Variants in UNC13A observed in about 807,000 individuals in gnomAD.
UNC13A encodes the protein unc-13 homolog A, also known as protein unc-13 homolog A.
UNC13A carries 61 observed loss-of-function variants against 219.7 expected under a neutral mutation model. The ratio of observed to expected loss-of-function variants is 0.28; its 90% CI spans 0.23 to 0.34. The LOEUF (loss-of-function observed/expected upper bound fraction) is 0.34, where lower values mean the gene tolerates loss of function less well. UNC13A is among the 10% of genes least tolerant of loss of function. The pLI is 1.00. For missense variants in UNC13A, 1,476 were observed against 2,270.3 expected (o/e 0.65, Z 7.11); for synonymous variants, 920 against 884.6 (o/e 1.04, Z -0.71).
chr19:17,665,076 T>C (rs1659197524), intron 7 of UNC13A, among the ~76,000 whole-genome samples: 1 of 152,058 alleles, frequency 6.6e-6, no homozygotes, highest in African/African-American at 2.4e-5. Context: ...GGCATGTGCC[T>C]GTAATCCCCA....
intron 1 of UNC13A, among the ~76,000 whole-genome samples, chr19:17,684,924 A>C: frequency 6.6e-6 from 1 of 152,332 alleles, no homozygotes; most frequent in African/African-American, 2.4e-5. Context: ...TGATGTTTGC[A>C]TGTGTACATG....
At chr19:17,672,590 T>G in intron 3 of UNC13A, 95 bp from the exon 4 acceptor site, 1 of 912,560 alleles carries the variant, frequency 1.1e-6, no homozygotes, top group Non-Finnish European at 1.7e-6. Flanking sequence ...CACAGCATAC[T>G]GCAATTCAAA....
chr19:17,627,710 G>T lies in UNC13A; in HGVS notation c.3832-113C>A. 8.0e-7 allele frequency: 1 copy of T among 1,244,040 alleles called. No homozygotes were observed. The highest frequency in any genetic ancestry group is 1.1e-6 in the Non-Finnish European group (1 of 877,746). 77.1% of individuals were successfully genotyped at this position (1,244,040 alleles called of 1,614,324 possible). On this transcript the variant is annotated intron_variant, in intron 32 of 43. Transcript: ENST00000519716. This position sits in a 1 kb window ranked among gnomAD's most constrained non-coding sequence, Gnocchi z 4.7. ...CCAAGGGGCTGCAGGGGAAACTGAGGCACAGACCGTTATGCTGCAAGCCTG... is the reference window on the plus strand; with the variant it reads ...CCAAGGGGCTGCAGGGGAAACTGAGTCACAGACCGTTATGCTGCAAGCCTG...
chr19:17,649,186 A>G lies in UNC13A; in HGVS notation c.1524+153T>C, dbSNP rs1280999847. Among the ~76,000 whole-genome samples the G allele has an allele frequency of 6.6e-6, 1 of 152,174 alleles. No individual in the cohort carries two copies. Among genetic ancestry groups the G allele is most frequent in the Admixed American group, 6.6e-5 (1 of 15,260 alleles). The stretch of plus-strand genomic sequence containing the variant: ...GCTTTGAGTTAGAAGGGACCCTGGA[A>G]AGTGAGCAGCCCCGCACCCCTGACT... On this transcript the variant is annotated intron_variant, in intron 14 of 43. Transcript: ENST00000519716. This position sits in a 1 kb window ranked among gnomAD's most constrained non-coding sequence, Gnocchi z 4.4.
intron 4 of UNC13A, 69 bp downstream of exon 4, chr19:17,672,309 T>G: frequency 8.0e-7 from 1 of 1,243,280 alleles, no homozygotes. Context: ...CCATCTTGTT[T>G]AGTCCACTGG....
rs2076462579 is a variant in UNC13A at position 17,601,411 on chromosome 19, C to G, written c.*4643G>C. The G allele has an allele frequency of 6.6e-6, 1 of 152,500 alleles. No homozygotes were observed. The highest frequency in any genetic ancestry group is 2.1e-4 in the South Asian group (1 of 4,830). The allele number at this position is 152,500 out of a possible 1,614,324, so 9.4% of individuals were successfully genotyped here. A position where few individuals can be genotyped will look rare whatever the true frequency, so the allele number is the denominator to read the frequency against. On this transcript the variant is annotated 3_prime_UTR_variant, in exon 44 of 44. Coordinates refer to ENST00000519716, the MANE Select transcript of UNC13A (RefSeq NM_001080421.3). ...CAGAGACCAAAAAGTCAGAATAGTGCAAAACATCTCAACACCATGCATTCA... is the reference window on the plus strand; with the variant it reads ...CAGAGACCAAAAAGTCAGAATAGTGGAAAACATCTCAACACCATGCATTCA...
intron 27 of UNC13A, 53 bp from the exon 28 acceptor site, chr19:17,632,961 C>T: frequency 6.2e-7 from 1 of 1,612,472 alleles, no homozygotes; most frequent in Non-Finnish European, 8.5e-7. Flanking sequence ...CACCCTCTGT[C>T]TCGGCAGAGA....
Position 17,676,008 on chromosome 19 carries a change from T to C in UNC13A, c.52+4A>G. On this transcript the variant is annotated splice_donor_region_variant and intron_variant, in intron 2 of 43. Coordinates refer to ENST00000519716, the MANE Select transcript of UNC13A (RefSeq NM_001080421.3). ...GGGACAGGACAGCAAGAGAAGCCAC[T>C]TACCTTGGGCACCATCAAACTTGGC... is the stretch of plus-strand genomic sequence containing the variant. 1 of 1,551,360 alleles carries C rather than the reference T, an allele frequency of 6.4e-7. No individual in the cohort carries two copies. The highest frequency in any genetic ancestry group is 1.4e-5 in the African/African-American group (1 of 73,058).
chr19:17,613,748 C>G (rs1384394015), intron 41 of UNC13A: 3 of 121,980 alleles, frequency 2.5e-5, no homozygotes, highest in African/African-American at 9.4e-5. Context: ...TGGAGTCTTG[C>G]TTTGTCGCCC....
At chr19:17,653,959 T>C (rs2079401927) in intron 11 of UNC13A, among the ~76,000 whole-genome samples, 1 of 151,654 alleles carries the variant, frequency 6.6e-6, no homozygotes, top group African/African-American at 2.4e-5. Context: ...CCCGAGTAGC[T>C]GGGACTACAG....
chr19:17,608,431 T>C (rs908186414), intron 43 of UNC13A, among the ~76,000 whole-genome samples: 2 of 137,920 alleles, frequency 1.5e-5, no homozygotes, highest in Admixed American at 1.6e-4. Context: ...TTATATGATA[T>C]ATATTTATTA....
rs900279677 is a variant in UNC13A at position 17,682,648 on chromosome 19, A to G, written c.22+5530T>C. Among the ~76,000 whole-genome samples the G allele has an allele frequency of 3.3e-5, 5 of 152,182 alleles. No homozygotes were observed. In the East Asian group the frequency reaches 9.6e-4, roughly 29 times the overall value. Reference sequence around the variant, plus strand: ...ATGCAGCTCCTCCTAGCTGGAGGGTATCAGGGACTGAGTAGCCAGGAACGG... The same window carrying G: ...ATGCAGCTCCTCCTAGCTGGAGGGTGTCAGGGACTGAGTAGCCAGGAACGG... On this transcript the variant is annotated intron_variant, in intron 1 of 43. Transcript: ENST00000519716.
chr19:17,624,848 G>A lies in UNC13A; in HGVS notation c.4178C>T (p.Pro1393Leu), dbSNP rs755169156. 3.1e-6 allele frequency: 5 copies of A among 1,613,436 alleles called. No homozygotes were observed. The highest frequency in any genetic ancestry group is 1.3e-5 in the African/African-American group (1 of 74,926). The change falls in exon 35 of 44, where the codon CCG (proline) becomes CTG (leucine). Residue 1393 changes from proline (P) to leucine (L), a missense_variant. Pro to Leu is a moderately conservative substitution (Grantham distance 98). Around this residue, in one of 14 missense-constraint regions of UNC13A, gnomAD observed 75 missense variants for 100.2 expected, o/e 0.75. Transcript: ENST00000519716. ...TCTCACCGTCTGGTCAGTGAGGGGC[G>A]GCAGGACGATGGTTTTCTCCATGGT... ...MNTMEKTIVL[P>L]PLTDQTMIGN...
At position 17,655,255 on chromosome 19, in the gene UNC13A, G is replaced by C; in HGVS notation, c.1392+19C>G. On this transcript the variant is annotated intron_variant, in intron 11 of 43. Transcript: ENST00000519716. The stretch of plus-strand genomic sequence containing the variant: ...GCCTGGCTAAGTGTGGCAGGGGCAT[G>C]GCTGGGCGTGTCACTCACCTCCTGC... The C allele has an allele frequency of 6.5e-7, 1 of 1,547,916 alleles. No individual in the cohort carries two copies. The highest frequency in any genetic ancestry group is 1.2e-5 in the South Asian group (1 of 84,590).
rs1294001060 is a variant in UNC13A at position 17,609,963 on chromosome 19, G to T, written c.4788C>A (p.Pro1596=). Residue 1596 remains proline, a synonymous_variant, in exon 43 of 44, where the codon CCC becomes CCA. Coordinates refer to ENST00000519716, the MANE Select transcript of UNC13A (RefSeq NM_001080421.3). ...ACAACTGGAAGCTCTCATTGTACTT[G>T]GGAGCCCAGCTATTGTTCTTGGATT... ...ATKSKNNSWA[P]KYNESFQFTL... is the part of the protein sequence containing the mutation. 2 of 1,613,852 alleles carry T rather than the reference G, an allele frequency of 1.2e-6. No homozygotes were observed. Among genetic ancestry groups the T allele is most frequent in the South Asian group, 2.2e-5 (2 of 91,080 alleles).
At chr19:17,664,864 C>G (rs941722631) in intron 7 of UNC13A, among the ~76,000 whole-genome samples, 1 of 152,102 alleles carries the variant, frequency 6.6e-6, no homozygotes, top group East Asian at 1.9e-4. Flanking sequence ...GACACAGATA[C>G]AGGGAGAGCT....
chr19:17,641,571 G>A lies in UNC13A; in HGVS notation c.2473-15C>T, dbSNP rs780524891. On this transcript the variant is annotated splice_polypyrimidine_tract_variant and intron_variant, in intron 20 of 43. Coordinates refer to ENST00000519716, the MANE Select transcript of UNC13A (RefSeq NM_001080421.3). ...TGGAACAGGTTCTGCCACCATGGGA[G>A]AGAAAGTGTCATGGAGAGTGCAAGG... is the stretch of plus-strand genomic sequence containing the variant. 6.8e-6 allele frequency: 11 copies of A among 1,613,682 alleles called. No homozygotes were observed. Among genetic ancestry groups the A allele is most frequent in the Non-Finnish European group, 9.3e-6 (11 of 1,179,708 alleles).
At chr19:17,651,232 C>G (rs765218741) in intron 12 of UNC13A, among the ~76,000 whole-genome samples, 1 of 145,350 alleles carries the variant, frequency 6.9e-6, no homozygotes, top group Non-Finnish European at 1.5e-5. Flanking sequence ...GCCACTGCAC[C>G]CGGCCCACAC....
rs1308491414 is a variant in UNC13A at position 17,674,084 on chromosome 19, A to G, written c.152+573T>C. On this transcript the variant is annotated intron_variant, in intron 3 of 43. Transcript: ENST00000519716. This position sits in a 1 kb window ranked among gnomAD's most constrained non-coding sequence, Gnocchi z 5.0. ...ATGATGCCCTGAAATTGTAGCTTGG[A>G]GGTAGTGGTCAGGGAGGGCTTCACT... 6.6e-6 allele frequency among the ~76,000 whole-genome samples: 1 copy of G among 152,208 alleles called. No homozygotes were observed.
Sources: gnomAD v4.1 joint callset for allele counts (sites outside exome capture counted in the v4.1 genomes callset) on GRCh38, gnomAD v4.1.1 for gene constraint, gnomAD v4.1.1 regional missense constraint, Gnocchi (gnomAD v3.1) non-coding constraint, MANE v1.5 for transcripts, NCBI Gene and HGNC (gene_info 2026-07-23, HGNC 2026-07-21) for gene names.